Variants in NALF1 observed in about 807,000 individuals in gnomAD.
NALF1 encodes NALCN channel auxiliary factor 1.
NALF1 carries 3 observed loss-of-function variants against 48.4 expected under a neutral mutation model. That is an observed-to-expected ratio of 0.06 (90% confidence interval 0.03 to 0.16). The LOEUF is 0.16. Ranked by LOEUF, NALF1 falls within the 10% of genes least tolerant of loss-of-function variation. The pLI is 1.00. For synonymous variants in NALF1, 262 were observed against 245.7 expected, an observed-to-expected ratio of 1.07 and a Z score of -0.62; for missense variants, 526 against 571.5, an observed-to-expected ratio of 0.92 and a Z score of 0.81.
intron 1 of NALF1, among the ~76,000 whole-genome samples, chr13:107,474,593 G>A (rs556291557): frequency 6.6e-6 from 1 of 152,316 alleles, no homozygotes; most frequent in Admixed American, 6.5e-5. Flanking sequence ...CATACAGAGA[G>A]AGAGAGAAAA....
At chr13:107,282,152 T>G (rs895231159) in intron 1 of NALF1, among the ~76,000 whole-genome samples, 1 of 152,220 alleles carries the variant, frequency 6.6e-6, no homozygotes, top group African/African-American at 2.4e-5. Flanking sequence ...TGTGGTATAA[T>G]GCATACCTGA....
At chr13:107,260,224 C>T (rs371989754) in intron 1 of NALF1, among the ~76,000 whole-genome samples, 3 of 152,156 alleles carry the variant, frequency 2.0e-5, no homozygotes, top group Non-Finnish European at 2.9e-5. Context: ...TTAAGATACT[C>T]GGGATGAAGT....
chr13:107,600,109 A>G (rs73595220), intron 1 of NALF1, among the ~76,000 whole-genome samples: 2,332 of 152,326 alleles, frequency 0.015, 58 homozygotes, highest in African/African-American at 0.053. Context: ...AAGCTGTAAG[A>G]AAGTAGCCTC....
At chr13:107,359,612 C>G (rs192938787) in intron 1 of NALF1, among the ~76,000 whole-genome samples, 1 of 151,632 alleles carries the variant, frequency 6.6e-6, no homozygotes, top group Non-Finnish European at 1.5e-5. Context: ...TCCTCCCTCC[C>G]TCCCTCCCTC....
chr13:107,590,754 T>C (rs1428418540), intron 1 of NALF1, among the ~76,000 whole-genome samples: 1 of 151,998 alleles, frequency 6.6e-6, no homozygotes, highest in Non-Finnish European at 1.5e-5. Context: ...GAGGAAGACG[T>C]TGAGCCTGTG....
intron 1 of NALF1, among the ~76,000 whole-genome samples, chr13:107,517,134 C>G (rs1372416200): frequency 6.6e-6 from 1 of 152,024 alleles, no homozygotes; most frequent in African/African-American, 2.4e-5. Flanking sequence ...TCAATTCTGA[C>G]TGATATTTTA....
chr13:107,365,950 A>G (rs1186170887), intron 1 of NALF1, among the ~76,000 whole-genome samples: 1 of 152,236 alleles, frequency 6.6e-6, no homozygotes, highest in African/African-American at 2.4e-5. Context: ...TCAATTAGCA[A>G]GCAACAGTGA....
intron 1 of NALF1, among the ~76,000 whole-genome samples, chr13:107,532,975 T>A (rs901427238): frequency 6.6e-6 from 1 of 152,084 alleles, no homozygotes; most frequent in African/African-American, 2.4e-5. Flanking sequence ...TTAAAAATGA[T>A]ATAAAAATTA....
intron 1 of NALF1, among the ~76,000 whole-genome samples, chr13:107,761,448 T>C (rs73603364): frequency 0.022 from 3,355 of 152,256 alleles, 137 homozygotes; most frequent in African/African-American, 0.076. Flanking sequence ...AGGATATTCC[T>C]ATATCTTAGA....
chr13:107,711,225 G>A (rs200658852), intron 1 of NALF1, among the ~76,000 whole-genome samples: 15 of 152,142 alleles, frequency 9.9e-5, no homozygotes, highest in South Asian at 8.3e-4. Context: ...TTACCCACAC[G>A]TGCCAAAAGA....
At chr13:107,490,307 A>C (rs2139068604) in intron 1 of NALF1, among the ~76,000 whole-genome samples, 1 of 152,334 alleles carries the variant, frequency 6.6e-6, no homozygotes, top group South Asian at 2.1e-4. Flanking sequence ...ACAATAGCAA[A>C]CACACAGAAT....
At chr13:107,612,529 T>C (rs556694414) in intron 1 of NALF1, among the ~76,000 whole-genome samples, 2 of 152,086 alleles carry the variant, frequency 1.3e-5, no homozygotes, top group Non-Finnish European at 2.9e-5. Flanking sequence ...ATCGGGAGAA[T>C]GAGTAGAACA....
intron 1 of NALF1, among the ~76,000 whole-genome samples, chr13:107,365,970 G>A (rs1883145479): frequency 6.6e-6 from 1 of 152,212 alleles, no homozygotes. Flanking sequence ...AGATGACAAA[G>A]CCTCTCGTGG....
At chr13:107,723,578 G>A (rs556844462) in intron 1 of NALF1, among the ~76,000 whole-genome samples, 22 of 152,236 alleles carry the variant, frequency 1.4e-4, no homozygotes, top group Admixed American at 1.4e-3. Context: ...ATAAAAATAA[G>A]AAAAAGTCAT....
intron 1 of NALF1, among the ~76,000 whole-genome samples, chr13:107,678,705 A>G (rs1371278171): frequency 6.6e-6 from 1 of 152,222 alleles, no homozygotes; most frequent in Non-Finnish European, 1.5e-5. Context: ...GGTGAAGGGA[A>G]ACAAGGCAAC....
intron 1 of NALF1, among the ~76,000 whole-genome samples, chr13:107,381,341 C>T (rs1308655001): frequency 6.6e-6 from 1 of 151,662 alleles, no homozygotes; most frequent in Non-Finnish European, 1.5e-5. Flanking sequence ...GCTGGGACCA[C>T]TGGCATGCAC....
intron 1 of NALF1, among the ~76,000 whole-genome samples, chr13:107,494,935 A>G (rs1566365459): frequency 1.3e-5 from 2 of 152,234 alleles, no homozygotes; most frequent in African/African-American, 4.8e-5. Context: ...ATGGAAACTA[A>G]GTCTCACGAG....
chr13:107,377,365 G>A (rs1883356864), intron 1 of NALF1, among the ~76,000 whole-genome samples: 1 of 152,208 alleles, frequency 6.6e-6, no homozygotes, highest in South Asian at 2.1e-4. Context: ...TGGGTTTCCT[G>A]CTGTTTCTAC....
At chr13:107,678,977 T>C (rs1881205312) in intron 1 of NALF1, among the ~76,000 whole-genome samples, 1 of 152,160 alleles carries the variant, frequency 6.6e-6, no homozygotes. Flanking sequence ...ATAAAGTGTT[T>C]GGCAAATAAC....
Sources: gnomAD v4.1 joint callset for allele counts (sites outside exome capture counted in the v4.1 genomes callset) on GRCh38, gnomAD v4.1.1 for gene constraint, MANE v1.5 for transcripts, NCBI Gene and HGNC (gene_info 2026-07-23, HGNC 2026-07-21) for gene names.